TAF1: variants seen among roughly 807,000 people sequenced by gnomAD.
The protein encoded by TAF1 is transcription initiation factor TFIID subunit 1.
In TAF1, 2 loss-of-function variants were observed where a neutral mutation model predicts 138.5. The ratio of observed to expected loss-of-function variants is 0.01; its 90% confidence interval spans 0.01 to 0.05. The LOEUF (loss-of-function observed/expected upper bound fraction) is 0.05, where lower values mean the gene tolerates loss of function less well. Ranked by LOEUF, TAF1 falls within the 10% of genes least tolerant of loss-of-function variation. The pLI, the probability that TAF1 is intolerant of heterozygous loss-of-function variation, is 1.00. For missense variants in TAF1, 709 were observed against 1,478.0 expected (o/e 0.48, Z 8.53); for synonymous variants, 437 against 503.2 (o/e 0.87, Z 1.76).
intron 14 of TAF1, among the ~76,000 whole-genome samples, chrX:71,386,555 C>T (rs1025811679): frequency 1.8e-5 from 2 of 112,305 alleles, no homozygotes; most frequent in African/African-American, 6.5e-5. Flanking sequence ...ACTTCTGCCT[C>T]CTGGGCTCAA....
chrX:71,472,556 A>G lies in TAF1; in HGVS notation c.1366+11753A>G, dbSNP rs2038908368. Among the ~76,000 whole-genome samples the G allele has an allele frequency of 2.7e-5, 3 of 110,362 alleles. No homozygotes were observed. In the South Asian group the frequency reaches 1.2e-3, roughly 43 times the overall value. On this transcript the variant is annotated intron_variant and NMD_transcript_variant, in intron 13 of 14. Transcript: ENST00000373775. The stretch of plus-strand genomic sequence containing the variant: ...AGACCAGCCTGGCCAACATGGTGAA[A>G]CCCTGTCTCTACTAAAAATACAAAA...
chrX:71,530,504 A>G (rs2040082759), downstream of TAF1: 2 of 82,138 alleles, frequency 2.4e-5, no homozygotes, highest in African/African-American at 9.7e-5. Flanking sequence ...CGGTGTGGAA[A>G]GAGACCCGAG....
At chrX:71,423,831 A>C (rs181001462) in intron 30 of TAF1, 143 bp from the exon 31 acceptor site, 322 of 480,462 alleles carry the variant, frequency 6.7e-4, no homozygotes, top group Non-Finnish European at 5.2e-4. Flanking sequence ...TTACATTATA[A>C]ACAGAAGTTT....
intron 32 of TAF1, among the ~76,000 whole-genome samples, chrX:71,436,976 TATTC>T (rs1249369160): frequency 3.6e-5 from 4 of 112,132 alleles, no homozygotes; most frequent in Non-Finnish European, 7.5e-5. Context: ...TTTCTTCATT[TATTC>T]ACATTTTCTT....
intron 17 of TAF1, 52 bp from the exon 18 acceptor site, chrX:71,389,533 T>C (rs2034437396): frequency 4.7e-6 from 5 of 1,064,773 alleles, no homozygotes; most frequent in Non-Finnish European, 6.4e-6. Context: ...AAAAAACTTG[T>C]GCTTTGTGTT....
chrX:71,514,632 A>G (rs116458029), intron 13 of TAF1, among the ~76,000 whole-genome samples: 437 of 111,298 alleles, frequency 3.9e-3, no homozygotes, highest in African/African-American at 0.014. Flanking sequence ...GCTGAAGTGC[A>G]ACAGAGAAGG....
intron 4 of TAF1, among the ~76,000 whole-genome samples, chrX:71,375,721 C>T (rs1239391648): frequency 8.9e-6 from 1 of 112,041 alleles, no homozygotes; most frequent in Non-Finnish European, 1.9e-5. Context: ...CAACCTCCGC[C>T]TCCCGGGTTC....
rs965083727 is a variant in TAF1, at chrX:71,481,016, C to T, written c.1366+20213C>T. On this transcript the variant is annotated intron_variant and NMD_transcript_variant, in intron 13 of 14. Transcript: ENST00000373775. Reference sequence around the variant, plus strand: ...AGGATGGGCTGGGCGCGGTGGCTCACGCCTGTAATCCCAGCATTTTGGGAG... The same window carrying T: ...AGGATGGGCTGGGCGCGGTGGCTCATGCCTGTAATCCCAGCATTTTGGGAG... Among the ~76,000 whole-genome samples the T allele has an allele frequency of 1.8e-4, 20 of 112,377 alleles. No individual in the cohort carries two copies. The Admixed American group carries it at 1.8e-3, about 10-fold the overall frequency.
At chrX:71,471,657 A>G (rs1184265716) in intron 13 of TAF1, among the ~76,000 whole-genome samples, 1 of 110,493 alleles carries the variant, frequency 9.1e-6, no homozygotes, top group Non-Finnish European at 1.9e-5. Context: ...AAAGCAAGGA[A>G]AGAATGAAGC....
At chrX:71,483,527 C>T (rs1185127476) in intron 13 of TAF1, among the ~76,000 whole-genome samples, 1 of 105,820 alleles carries the variant, frequency 9.5e-6, no homozygotes, top group Non-Finnish European at 1.9e-5. Context: ...GTTGAGGCTG[C>T]AGTGAGCCGT....
chrX:71,432,345 A>G (rs2036929137), intron 32 of TAF1, among the ~76,000 whole-genome samples: 1 of 112,113 alleles, frequency 8.9e-6, no homozygotes. Context: ...AGGAAACAGC[A>G]TATTTTTTTG....
chrX:71,471,041 G>C (rs951986071), intron 13 of TAF1, among the ~76,000 whole-genome samples: 9 of 107,824 alleles, frequency 8.3e-5, no homozygotes, highest in Non-Finnish European at 1.7e-4. Flanking sequence ...TACATGGCCA[G>C]GTGCTGTGGC....
chrX:71,495,056 C>T (rs1164003322), intron 13 of TAF1, among the ~76,000 whole-genome samples: 1 of 111,748 alleles, frequency 8.9e-6, no homozygotes, highest in Non-Finnish European at 1.9e-5. Flanking sequence ...CCCCACTCGA[C>T]CCAGGGAGTC....
chrX:71,469,656 G>A (rs1233916826), downstream of TAF1, among the ~76,000 whole-genome samples: 10 of 109,952 alleles, frequency 9.1e-5, no homozygotes, highest in Admixed American at 9.7e-4. Context: ...CCCACCTCAA[G>A]TGTCTCCGGA....
chrX:71,441,685 CTT>C (rs772438127), intron 32 of TAF1: 4 of 275,210 alleles, frequency 1.5e-5, no homozygotes, highest in African/African-American at 3.0e-5. Flanking sequence ...AATTTTGTAT[CTT>C]TTTTTTTTCT....
At chrX:71,366,736 G>A (rs2032530592) in intron 1 of TAF1, among the ~76,000 whole-genome samples, 1 of 111,348 alleles carries the variant, frequency 9.0e-6, no homozygotes, top group Non-Finnish European at 1.9e-5. Context: ...TAGTGGCTTT[G>A]GAGCTAGCGC....
Position 71,380,752 on chromosome X carries a change from G to A in TAF1, c.1361-991G>A, listed in dbSNP as rs991128542. Among the ~76,000 whole-genome samples the A allele has an allele frequency of 3.6e-5, 4 of 111,503 alleles. No homozygotes were observed. The Admixed American group carries it at 3.8e-4, about 11-fold the overall frequency. On this transcript the variant is annotated intron_variant, in intron 8 of 37. Coordinates refer to ENST00000423759, the MANE Select transcript of TAF1 (RefSeq NM_004606.5). Reference sequence around the variant, plus strand: ...GTCGCCCAGGGTGGAATGTGTTGGCGCGATCTTGGCTCACTGCAACATCTG... The same window carrying A: ...GTCGCCCAGGGTGGAATGTGTTGGCACGATCTTGGCTCACTGCAACATCTG...
chrX:71,442,823 T>G (rs2037496790), intron 32 of TAF1, among the ~76,000 whole-genome samples: 1 of 112,213 alleles, frequency 8.9e-6, no homozygotes, highest in Non-Finnish European at 1.9e-5. Flanking sequence ...TAATCCATCT[T>G]GAATTAATTT....
At chrX:71,387,607 T>C in intron 15 of TAF1, 146 bp downstream of exon 15, 2 of 656,626 alleles carry the variant, frequency 3.0e-6, no homozygotes, top group Admixed American at 7.4e-5. Flanking sequence ...GAGACCAGCC[T>C]GACCATCATG....
Sources: gnomAD v4.1 joint callset for allele counts (sites outside exome capture counted in the v4.1 genomes callset) on GRCh38, gnomAD v4.1.1 for gene constraint, MANE v1.5 for transcripts, NCBI Gene and HGNC (gene_info 2026-07-23, HGNC 2026-07-21) for gene names.